Variants in BTC observed in about 807,000 individuals in gnomAD.
The protein encoded by BTC is probetacellulin.
In BTC, 13 loss-of-function variants were observed where a neutral mutation model predicts 18.1. The ratio of observed to expected loss-of-function variants is 0.72; its 90% CI spans 0.47 to 1.14. The LOEUF is 1.14. Ranked by LOEUF, BTC falls within the 50% of genes most tolerant of loss-of-function variation. The pLI, the probability that BTC is intolerant of heterozygous loss-of-function variation, is 0.00. For synonymous variants in BTC, 83 were observed against 79.4 expected (o/e 1.05, Z -0.24); for missense variants, 247 against 224.2 (o/e 1.10, Z -0.65).
intron 2 of BTC, among the ~76,000 whole-genome samples, chr4:74,765,956 A>G (rs1724890985): frequency 6.6e-6 from 1 of 152,142 alleles, no homozygotes. Context: ...CACCTTAGTT[A>G]TATGGTATAG....
chr4:74,786,474 T>C (rs1479732805), intron 1 of BTC, among the ~76,000 whole-genome samples: 1 of 152,224 alleles, frequency 6.6e-6, no homozygotes, highest in African/African-American at 2.4e-5. Context: ...CAGGCTGCAG[T>C]CAGCCTCCAA....
At chr4:74,786,549 T>C (rs1397353694) in intron 1 of BTC, among the ~76,000 whole-genome samples, 1 of 152,194 alleles carries the variant, frequency 6.6e-6, no homozygotes, top group Non-Finnish European at 1.5e-5. Flanking sequence ...ATACTAAACA[T>C]AAACCCATGA....
chr4:74,758,284 C>T (rs999904405), intron 2 of BTC, among the ~76,000 whole-genome samples: 1 of 152,086 alleles, frequency 6.6e-6, no homozygotes, highest in African/African-American at 2.4e-5. Context: ...AAACACAAAG[C>T]AAGAGAGAGC....
At chr4:74,789,782 T>C (rs912608054) in intron 1 of BTC, among the ~76,000 whole-genome samples, 18 of 152,212 alleles carry the variant, frequency 1.2e-4, no homozygotes, top group Non-Finnish European at 4.4e-5. Flanking sequence ...CAATTATTTA[T>C]ATAATTCAAA....
chr4:74,766,331 TTTAAA>T (rs1309763690), intron 2 of BTC, among the ~76,000 whole-genome samples: 1 of 152,092 alleles, frequency 6.6e-6, no homozygotes, highest in East Asian at 1.9e-4. Context: ...TGTATAAACT[TTTAAA>T]TTAATTTTTC....
intron 1 of BTC, among the ~76,000 whole-genome samples, chr4:74,775,538 G>A (rs1725153342): frequency 6.6e-6 from 1 of 152,164 alleles, no homozygotes; most frequent in East Asian, 1.9e-4. Context: ...CAACTCCCCA[G>A]AAATCATCCC....
intron 2 of BTC, among the ~76,000 whole-genome samples, chr4:74,759,086 T>C (rs1160827376): frequency 6.6e-6 from 1 of 152,144 alleles, no homozygotes; most frequent in Non-Finnish European, 1.5e-5. Flanking sequence ...TAATCCAGTA[T>C]TCATCAAGTT....
At chr4:74,754,809 G>T (rs1724552586) in intron 3 of BTC, among the ~76,000 whole-genome samples, 2 of 152,076 alleles carry the variant, frequency 1.3e-5, no homozygotes, top group African/African-American at 4.8e-5. Flanking sequence ...CAATAAATCT[G>T]CAGACATAGG....
At chr4:74,791,010 C>A (rs546492960) in intron 1 of BTC, among the ~76,000 whole-genome samples, 1 of 152,178 alleles carries the variant, frequency 6.6e-6, no homozygotes, top group African/African-American at 2.4e-5. Context: ...TTATATGCAA[C>A]GCAACGTCTC....
In BTC at chr4:74,794,428, C is replaced by T; in HGVS notation, c.-103G>A. 1.6e-6 allele frequency: 2 copies of T among 1,268,180 alleles called. No individual in the cohort carries two copies. Among genetic ancestry groups the T allele is most frequent in the Non-Finnish European group, 2.1e-6 (2 of 951,514 alleles). The allele number at this position is 1,268,180 out of a possible 1,614,324, so 78.6% of individuals were successfully genotyped here. A position where few individuals can be genotyped will look rare whatever the true frequency, so the allele number is the denominator to read the frequency against. On this transcript the variant is annotated 5_prime_UTR_variant, in exon 1 of 6. Coordinates refer to ENST00000395743, the MANE Select transcript of BTC (RefSeq NM_001729.4). ...CTGAGAGGGTGCCTGGAAACTAATCCCGGAGGCAGAAGGAAACGAAACTAC... is the reference window on the plus strand; with the variant it reads ...CTGAGAGGGTGCCTGGAAACTAATCTCGGAGGCAGAAGGAAACGAAACTAC...
intron 1 of BTC, among the ~76,000 whole-genome samples, chr4:74,770,726 C>T (rs1725015488): frequency 6.6e-6 from 1 of 151,936 alleles, no homozygotes; most frequent in Admixed American, 6.6e-5. Context: ...TAGAATGGTT[C>T]AGAATACAAT....
At chr4:74,790,071 T>A (rs567430370) in intron 1 of BTC, among the ~76,000 whole-genome samples, 68 of 152,352 alleles carry the variant, frequency 4.5e-4, no homozygotes, top group African/African-American at 1.6e-3. Context: ...AAAATAAAAC[T>A]TTTTTGAGGA....
intron 1 of BTC, among the ~76,000 whole-genome samples, chr4:74,779,958 C>A (rs1390788543): frequency 6.6e-6 from 1 of 151,964 alleles, no homozygotes; most frequent in Admixed American, 6.6e-5. Flanking sequence ...CAAAAAGTGG[C>A]AATGTGTTAA....
chr4:74,762,336 A>T (rs1181755890), intron 2 of BTC, among the ~76,000 whole-genome samples: 1 of 152,120 alleles, frequency 6.6e-6, no homozygotes, highest in African/African-American at 2.4e-5. Flanking sequence ...TTACTGTGTG[A>T]TCTTGAACAA....
chr4:74,755,106 A>G lies in BTC; in HGVS notation c.281+753T>C, dbSNP rs566966460. 1.1e-4 allele frequency among the ~76,000 whole-genome samples: 17 copies of G among 152,298 alleles called. No individual in the cohort carries two copies. The East Asian group carries it at 3.1e-3, about 28-fold the overall frequency. ...TGACCCTTAAAGTTTCCACAAAATT[A>G]GGATTTGGAATCATTTTTCTGAGAT... On this transcript the variant is annotated intron_variant, in intron 3 of 5. Coordinates refer to ENST00000395743, the MANE Select transcript of BTC (RefSeq NM_001729.4).
intron 1 of BTC, among the ~76,000 whole-genome samples, chr4:74,791,722 G>T (rs1725633653): frequency 1.3e-5 from 2 of 152,116 alleles, no homozygotes; most frequent in Admixed American, 6.5e-5. Context: ...ATGTATTTAA[G>T]GAGCATCTAC....
intron 1 of BTC, 101 bp from the exon 2 acceptor site, chr4:74,770,257 AAGACT>A: frequency 1.1e-6 from 1 of 919,118 alleles, no homozygotes; most frequent in East Asian, 2.6e-5. Context: ...TGAAAATAAC[AAGACT>A]ATGGTTTCCA....
intron 1 of BTC, among the ~76,000 whole-genome samples, chr4:74,777,113 T>A (rs1725194940): frequency 6.6e-6 from 1 of 152,126 alleles, no homozygotes; most frequent in South Asian, 2.1e-4. Flanking sequence ...AAAGGCAGCT[T>A]TAGGGTCAGA....
chr4:74,778,882 G>A (rs753042538), intron 1 of BTC, among the ~76,000 whole-genome samples: 12 of 152,280 alleles, frequency 7.9e-5, no homozygotes, highest in Middle Eastern at 3.4e-3. Context: ...AACACAGTGA[G>A]CAATTTGGGC....
Sources: allele counts gnomAD v4.1 joint callset (sites outside exome capture counted in the v4.1 genomes callset), GRCh38; gene constraint gnomAD v4.1.1; transcripts MANE v1.5; gene names NCBI Gene and HGNC (gene_info 2026-07-23, HGNC 2026-07-21).